Variants in SEMA5A observed in about 807,000 individuals in gnomAD.
SEMA5A encodes semaphorin-5A.
SEMA5A carries 55 observed loss-of-function variants against 135.5 expected under a neutral mutation model. The observed-to-expected ratio is 0.41, with a 90% CI of 0.33 to 0.51. The LOEUF is 0.51. Among genes scored for constraint, SEMA5A ranks in the 20% least tolerant of loss-of-function variants. SEMA5A has a pLI of 0.37. For missense variants in SEMA5A, 1,290 were observed against 1,419.9 expected (o/e 0.91, Z 1.47); for synonymous variants, 580 against 546.5 (o/e 1.06, Z -0.85).
At chr5:9,535,628 C>T (rs950432681) in intron 1 of SEMA5A, among the ~76,000 whole-genome samples, 9 of 151,880 alleles carry the variant, frequency 5.9e-5, no homozygotes, top group Non-Finnish European at 1.2e-4. Context: ...TTCAACTCAA[C>T]CACCTGGGTT....
chr5:9,175,748 A>C (rs1744168373), intron 11 of SEMA5A, among the ~76,000 whole-genome samples: 1 of 152,244 alleles, frequency 6.6e-6, no homozygotes, highest in African/African-American at 2.4e-5. Context: ...TCAAACCAGA[A>C]CAATTTCTCC....
intron 5 of SEMA5A, 77 bp downstream of exon 5, chr5:9,318,295 C>A: frequency 7.3e-7 from 1 of 1,374,924 alleles, no homozygotes; most frequent in Non-Finnish European, 1.0e-6. Flanking sequence ...CCTTTACATG[C>A]ATCTGTCTTC....
chr5:9,164,619 T>G (rs1743505706), intron 11 of SEMA5A, among the ~76,000 whole-genome samples: 1 of 152,096 alleles, frequency 6.6e-6, no homozygotes, highest in Non-Finnish European at 1.5e-5. Context: ...ACGTATAACA[T>G]TTTGCAAAAT....
At chr5:9,346,009 C>T (rs1002442056) in intron 3 of SEMA5A, among the ~76,000 whole-genome samples, 20 of 152,120 alleles carry the variant, frequency 1.3e-4, no homozygotes, top group Admixed American at 9.2e-4. Flanking sequence ...AAAAGCCTGA[C>T]AGACTGCAGC....
chr5:9,509,149 G>GT (rs2126840207), intron 1 of SEMA5A, among the ~76,000 whole-genome samples: 1 of 7,858 alleles, frequency 1.3e-4, no homozygotes, highest in South Asian at 1.4e-3. Context: ...TGTCCACAGG[G>GT]GTGAAGAAAA....
intron 3 of SEMA5A, among the ~76,000 whole-genome samples, chr5:9,341,649 A>C (rs1753658635): frequency 1.3e-5 from 1 of 75,420 alleles, no homozygotes; most frequent in South Asian, 6.0e-4. Flanking sequence ...ATATGACTAT[A>C]TATATATAAT....
In SEMA5A at chr5:9,042,682, C is replaced by T. The variant is rs1453781648; in HGVS notation, c.*215G>A. 2 of 535,568 alleles carry T rather than the reference C, an allele frequency of 3.7e-6. No homozygotes were observed. The highest frequency in any genetic ancestry group is 2.4e-5 in the South Asian group (1 of 42,404). The allele number at this position is 535,568 out of a possible 1,614,324, so 33.2% of individuals were successfully genotyped here. Reference sequence around the variant, plus strand: ...CAATTAAAAACTTCACACCCTGGCTCATTCAACAATGGTCAAGATTTTCAC... The same window carrying T: ...CAATTAAAAACTTCACACCCTGGCTTATTCAACAATGGTCAAGATTTTCAC... On this transcript the variant is annotated 3_prime_UTR_variant, in exon 23 of 23. Transcript: ENST00000382496.
chr5:9,379,259 T>C (rs13189036), intron 3 of SEMA5A, among the ~76,000 whole-genome samples: 6,575 of 152,292 alleles, frequency 0.043, 198 homozygotes, highest in Middle Eastern at 0.075. Flanking sequence ...TTTTCCACTC[T>C]GAATGCTTGA....
intron 12 of SEMA5A, among the ~76,000 whole-genome samples, chr5:9,147,954 G>T (rs368321616): frequency 6.6e-6 from 1 of 152,182 alleles, no homozygotes; most frequent in Admixed American, 6.5e-5. Flanking sequence ...CAGGCTGGGG[G>T]CTTCATTGAA....
intron 3 of SEMA5A, among the ~76,000 whole-genome samples, chr5:9,373,463 A>T (rs972879137): frequency 6.6e-6 from 1 of 152,188 alleles, no homozygotes; most frequent in Non-Finnish European, 1.5e-5. Context: ...TGGAGCAGTC[A>T]TCTCAATTCC....
intron 2 of SEMA5A, among the ~76,000 whole-genome samples, chr5:9,398,320 G>A (rs1398545824): frequency 1.3e-5 from 2 of 152,242 alleles, no homozygotes; most frequent in Admixed American, 6.5e-5. Flanking sequence ...CTAAATGGAA[G>A]TCGGAGCTAA....
chr5:9,235,833 G>A (rs939120071), intron 6 of SEMA5A, among the ~76,000 whole-genome samples: 5 of 152,186 alleles, frequency 3.3e-5, no homozygotes, highest in African/African-American at 1.2e-4. Flanking sequence ...GCAAGAGGGA[G>A]AGCTAGGTCA....
chr5:9,385,379 CA>C (rs1755843167), intron 2 of SEMA5A, among the ~76,000 whole-genome samples: 1 of 152,256 alleles, frequency 6.6e-6, no homozygotes, highest in East Asian at 1.9e-4. Flanking sequence ...GCTTAGGGAA[CA>C]GTGTCTAACC....
chr5:9,375,059 A>T lies in SEMA5A; in HGVS notation c.124+4764T>A, dbSNP rs1323545434. Among the ~76,000 whole-genome samples the T allele has an allele frequency of 5.9e-5, 9 of 152,142 alleles. No homozygotes were observed. The East Asian group carries it at 9.7e-4, about 16-fold the overall frequency. Reference sequence around the variant, plus strand: ...TTTGAAAAGCTGTTCCCTGCCCCTTATGTCCTTGCATGACTGACATGAATT... The same window carrying T: ...TTTGAAAAGCTGTTCCCTGCCCCTTTTGTCCTTGCATGACTGACATGAATT... On this transcript the variant is annotated intron_variant, in intron 3 of 22. Coordinates refer to ENST00000382496, the MANE Select transcript of SEMA5A (RefSeq NM_003966.3).
Position 9,366,631 on chromosome 5 carries a change from G to A in SEMA5A, c.124+13192C>T, listed in dbSNP as rs570221574. Among the ~76,000 whole-genome samples, 333 of 152,178 alleles carry A rather than the reference G, an allele frequency of 2.2e-3. 3 individuals carry two copies. Among genetic ancestry groups the A allele is most frequent in the South Asian group, 0.012 (58 of 4,828 alleles). ...TCTCCATCTCCTGACCTCATGATCCGTCCGCCTTAGCCTCCCAAAGTGCTG... is the reference window on the plus strand; with the variant it reads ...TCTCCATCTCCTGACCTCATGATCCATCCGCCTTAGCCTCCCAAAGTGCTG... On this transcript the variant is annotated intron_variant, in intron 3 of 22. Coordinates refer to ENST00000382496, the MANE Select transcript of SEMA5A (RefSeq NM_003966.3).
intron 5 of SEMA5A, among the ~76,000 whole-genome samples, chr5:9,281,202 T>A (rs1750524456): frequency 6.6e-6 from 1 of 152,258 alleles, no homozygotes; most frequent in South Asian, 2.1e-4. Context: ...TTTACTTCTA[T>A]AGGAATAAAA....
intron 8 of SEMA5A, among the ~76,000 whole-genome samples, chr5:9,208,676 C>T (rs1351406177): frequency 6.6e-6 from 1 of 152,110 alleles, no homozygotes; most frequent in Non-Finnish European, 1.5e-5. Flanking sequence ...GGAATGAAGC[C>T]ACAGTCAGGA....
chr5:9,228,181 A>G (rs1049831847), intron 6 of SEMA5A, among the ~76,000 whole-genome samples: 2 of 152,212 alleles, frequency 1.3e-5, no homozygotes, highest in African/African-American at 4.8e-5. Flanking sequence ...TAATGAGGAC[A>G]CACAGAGGAA....
intron 16 of SEMA5A, among the ~76,000 whole-genome samples, chr5:9,069,822 A>G (rs1204064217): frequency 1.1e-4 from 16 of 152,180 alleles, no homozygotes; most frequent in Non-Finnish European, 1.5e-5. Flanking sequence ...CTTAAATGAA[A>G]AAGCCCCAAT....
Sources: gnomAD v4.1 joint callset for allele counts (sites outside exome capture counted in the v4.1 genomes callset) on GRCh38, gnomAD v4.1.1 for gene constraint, MANE v1.5 for transcripts, NCBI Gene and HGNC (gene_info 2026-07-23, HGNC 2026-07-21) for gene names.